NBAS: variants seen among roughly 807,000 people sequenced by gnomAD.
NBAS encodes the protein NBAS subunit of NRZ tethering complex.
Under a neutral mutation model 302.5 loss-of-function variants are expected in NBAS, and 219 were observed. That is an observed-to-expected ratio of 0.72 (90% CI 0.65 to 0.81). The LOEUF is 0.81. Ranked by LOEUF, NBAS falls within the 30% of genes least tolerant of loss-of-function variation. The probability of loss-of-function intolerance (pLI) is 0.00; values close to 1 mark genes in which losing one functional copy is unlikely to be tolerated. For synonymous variants in NBAS, 1,118 were observed against 1,021.6 expected (o/e 1.09, Z -1.80); for missense variants, 2,932 against 2,841.6 (o/e 1.03, Z -0.72).
At chr2:15,052,090 T>C in the NBAS span, among the ~76,000 whole-genome samples, 75,134 of 152,054 alleles carry the variant, frequency 0.49, 20,868 homozygotes, top group African/African-American at 0.77. Context: ...ACTTTACTCA[T>C]CTTTGTCTCT....
At chr2:14,864,546 T>C in the NBAS span, among the ~76,000 whole-genome samples, 1 of 152,156 alleles carries the variant, frequency 6.6e-6, no homozygotes, top group Admixed American at 6.5e-5. Context: ...CCTTTTCTAC[T>C]AAACATGAAA....
At chr2:15,319,682 C>T (rs1671701139) in intron 38 of NBAS, among the ~76,000 whole-genome samples, 1 of 152,040 alleles carries the variant, frequency 6.6e-6, no homozygotes, top group African/African-American at 2.4e-5. Context: ...TACACCCTCC[C>T]AAGACTAAAC....
intron 16 of NBAS, among the ~76,000 whole-genome samples, chr2:15,470,549 T>C (rs972813603): frequency 6.6e-6 from 1 of 152,196 alleles, no homozygotes; most frequent in Non-Finnish European, 1.5e-5. Context: ...ACTGGCCTCA[T>C]AAATCATGCT....
intron 32 of NBAS, among the ~76,000 whole-genome samples, chr2:15,363,529 A>G (rs1453392399): frequency 6.6e-6 from 1 of 152,252 alleles, no homozygotes; most frequent in African/African-American, 2.4e-5. Flanking sequence ...AAAGGTGGAA[A>G]CAGAATATGA....
chr2:15,370,800 G>C (rs1469959094), intron 31 of NBAS, among the ~76,000 whole-genome samples: 2 of 152,196 alleles, frequency 1.3e-5, no homozygotes, highest in Non-Finnish European at 2.9e-5. Context: ...TTGTATCTTG[G>C]AAGTAACTAA....
intron 11 of NBAS, among the ~76,000 whole-genome samples, chr2:15,495,996 A>C (rs574745526): frequency 6.6e-6 from 1 of 152,192 alleles, no homozygotes; most frequent in South Asian, 2.1e-4. Flanking sequence ...CATTATTTAT[A>C]ATAGCCAAAA....
chr2:14,845,797 G>C, the NBAS span, among the ~76,000 whole-genome samples: 1 of 152,000 alleles, frequency 6.6e-6, no homozygotes, highest in South Asian at 2.1e-4. Context: ...TTTAATAGCA[G>C]AATTGATTAA....
chr2:15,430,043 C>T (rs1677683829), intron 21 of NBAS, among the ~76,000 whole-genome samples: 1 of 152,080 alleles, frequency 6.6e-6, no homozygotes, highest in South Asian at 2.1e-4. Flanking sequence ...TATGACCTTT[C>T]TAATTAAAAC....
the NBAS span, among the ~76,000 whole-genome samples, chr2:15,077,661 T>C: frequency 6.6e-6 from 1 of 151,336 alleles, no homozygotes; most frequent in Non-Finnish European, 1.5e-5. Context: ...CCAAGAAGGC[T>C]TCTTTCTTTT....
the NBAS span, among the ~76,000 whole-genome samples, chr2:14,789,020 G>A: frequency 6.6e-6 from 1 of 152,230 alleles, no homozygotes; most frequent in African/African-American, 2.4e-5. Flanking sequence ...GTTTACCTAA[G>A]CAAGGCTGGG....
At chr2:15,175,408 G>T (rs1399638880) in intron 51 of NBAS, among the ~76,000 whole-genome samples, 1 of 152,144 alleles carries the variant, frequency 6.6e-6, no homozygotes, top group African/African-American at 2.4e-5. Flanking sequence ...TACAAATCGG[G>T]AATTACAAAA....
intron 31 of NBAS, among the ~76,000 whole-genome samples, chr2:15,369,831 A>C (rs1674398124): frequency 6.7e-6 from 1 of 149,408 alleles, no homozygotes; most frequent in Non-Finnish European, 1.5e-5. Flanking sequence ...ACACACACAC[A>C]TACACGTGCA....
At chr2:15,126,857 A>G in the NBAS span, among the ~76,000 whole-genome samples, 1 of 152,170 alleles carries the variant, frequency 6.6e-6, no homozygotes, top group Non-Finnish European at 1.5e-5. Context: ...TTACAATATC[A>G]CCATAGGACT....
the NBAS span, among the ~76,000 whole-genome samples, chr2:14,922,919 G>T: frequency 6.6e-6 from 1 of 152,186 alleles, no homozygotes; most frequent in African/African-American, 2.4e-5. Context: ...TTGGGAGGCC[G>T]AGGTGGGTGG....
At chr2:15,050,289 TTTCTTTCCTTCTTTC>T in the NBAS span, among the ~76,000 whole-genome samples, 1 of 152,194 alleles carries the variant, frequency 6.6e-6, no homozygotes, top group Non-Finnish European at 1.5e-5. Flanking sequence ...TTTTTTTCTT[TTTCTTTCCTTCTTTC>T]TTCTTTCCTT....
At chr2:15,014,561 T>C in the NBAS span, among the ~76,000 whole-genome samples, 10 of 151,916 alleles carry the variant, frequency 6.6e-5, no homozygotes, top group Non-Finnish European at 1.5e-4. Context: ...ATATGAAAAC[T>C]TAAAATTCCT....
the NBAS span, among the ~76,000 whole-genome samples, chr2:15,106,800 G>GT: frequency 1.2e-4 from 19 of 152,170 alleles, no homozygotes; most frequent in Non-Finnish European, 2.5e-4. Flanking sequence ...GGGTGGGCTA[G>GT]TGATAGAGGG....
chr2:15,160,542 T>G, the NBAS span, among the ~76,000 whole-genome samples: 1 of 126,666 alleles, frequency 7.9e-6, no homozygotes, highest in Non-Finnish European at 1.6e-5. Flanking sequence ...TGGCAGAGAA[T>G]GCAGGACCTG....
intron 44 of NBAS, among the ~76,000 whole-genome samples, chr2:15,270,375 G>C (rs1669262057): frequency 6.6e-6 from 1 of 151,938 alleles, no homozygotes; most frequent in Non-Finnish European, 1.5e-5. Context: ...GTGGTAGCCA[G>C]GATGGTCTCA....
Sources: gnomAD v4.1 joint callset for allele counts (sites outside exome capture counted in the v4.1 genomes callset) on GRCh38, gnomAD v4.1.1 for gene constraint, MANE v1.5 for transcripts, NCBI Gene and HGNC (gene_info 2026-07-23, HGNC 2026-07-21) for gene names.